The following ARHGEF18 variants were observed in gnomAD, a reference collection of about 807,000 sequenced individuals.
ARHGEF18 encodes the protein Rho/Rac guanine nucleotide exchange factor 18.
Under a neutral mutation model 155.7 loss-of-function variants are expected in ARHGEF18, and 93 were observed. That is an observed-to-expected ratio of 0.60 (90% CI 0.50 to 0.71). The LOEUF is 0.71. ARHGEF18 is among the 30% of genes least tolerant of loss of function. The pLI, the probability that ARHGEF18 is intolerant of heterozygous loss-of-function variation, is 0.00. For synonymous variants in ARHGEF18, 742 were observed against 753.1 expected, an observed-to-expected ratio of 0.99 and a Z score of 0.24; for missense variants, 1,593 against 1,816.1, an observed-to-expected ratio of 0.88 and a Z score of 2.23.
intron 1 of ARHGEF18, among the ~76,000 whole-genome samples, chr19:7,359,636 G>T (rs181606787): frequency 6.6e-6 from 1 of 152,096 alleles, no homozygotes; most frequent in Non-Finnish European, 1.5e-5. Flanking sequence ...TATGATACAA[G>T]AATGAATGCT....
At chr19:7,397,367 A>G (rs1469704680) in intron 10 of ARHGEF18, among the ~76,000 whole-genome samples, 1 of 152,026 alleles carries the variant, frequency 6.6e-6, no homozygotes, top group Non-Finnish European at 1.5e-5. Context: ...CTGGGCTCAA[A>G]TAATCCTCCT....
rs748447200 is a variant in ARHGEF18, at chr19:7,453,539, C to A, written c.1928C>A (p.Ala643Asp). ...LIKDIISQVDAKVSECEKGQR... is the reference protein window; with the variant it reads ...LIKDIISQVDDKVSECEKGQR... ...AAAGATATCATCTCACAAGTGGACG[C>A]CAAGGTCAGTGAGTGTGAGAAGGGC... Residue 643 changes from alanine to aspartate, a missense_variant, in exon 17 of 29, where the codon GCC (alanine) becomes GAC (aspartate). Ala to Asp is a moderately radical substitution (Grantham distance 126). Transcript: ENST00000668164. 5 of 1,614,066 alleles carry A rather than the reference C, an allele frequency of 3.1e-6. No homozygotes were observed. In the East Asian group the frequency reaches 6.7e-5, roughly 22 times the overall value.
chr19:7,373,612 A>T lies in ARHGEF18; in HGVS notation c.275+541A>T, dbSNP rs1970304281. ...TGCCTCAGCCTCCCGAGTAGCTGGG[A>T]TTACAGGCACGCACCACCACACCCG... On this transcript the variant is annotated intron_variant, in intron 3 of 28. Coordinates refer to ENST00000668164, the MANE Select transcript of ARHGEF18 (RefSeq NM_001367823.1). Among the ~76,000 whole-genome samples the T allele has an allele frequency of 1.3e-5, 2 of 151,552 alleles. 1 individual carries two copies. Among genetic ancestry groups the T allele is most frequent in the South Asian group, 4.2e-4 (2 of 4,810 alleles).
At chr19:7,421,656 G>A (rs779196184) in intron 10 of ARHGEF18, among the ~76,000 whole-genome samples, 24 of 152,144 alleles carry the variant, frequency 1.6e-4, no homozygotes, top group Non-Finnish European at 3.2e-4. Context: ...CAGCTACTTG[G>A]GAGGCTGGGA....
intron 1 of ARHGEF18, among the ~76,000 whole-genome samples, chr19:7,362,006 A>AGAAGAG (rs1555698063): frequency 4.1e-4 from 23 of 55,728 alleles, no homozygotes; most frequent in Non-Finnish European, 5.5e-4. Flanking sequence ...AAGAAGAAGA[A>AGAAGAG]GAAGAAGAAG....
chr19:7,399,731 C>T (rs1461462449), intron 10 of ARHGEF18, among the ~76,000 whole-genome samples: 6 of 151,152 alleles, frequency 4.0e-5, no homozygotes, highest in Middle Eastern at 3.2e-3. Context: ...CCGCCCACTT[C>T]GCCTCCCAAA....
chr19:7,351,304 C>CG (rs1267243830), intron 1 of ARHGEF18, among the ~76,000 whole-genome samples: 12 of 131,270 alleles, frequency 9.1e-5, no homozygotes, highest in Admixed American at 3.8e-4. Context: ...GAGTGGACTT[C>CG]TTTTGTTTGT....
chr19:7,442,124 CCCTT>C (rs200202576), intron 13 of ARHGEF18, 72 bp downstream of exon 13: 57,362 of 1,126,250 alleles, frequency 0.051, 1,807 homozygotes, highest in African/African-American at 0.051. Flanking sequence ...CTTCCTCCCT[CCCTT>C]CCTTCCTTCC....
chr19:7,367,998 A>AGAGAGGGAGGGAGGGAGG (rs1275056208), intron 2 of ARHGEF18, among the ~76,000 whole-genome samples: 1 of 69,636 alleles, frequency 1.4e-5, no homozygotes, highest in Admixed American at 1.8e-4. Context: ...AGAGAGAGAG[A>AGAGAGGGAGGGAGGGAGG]GAGGGAGGGA....
rs1971626006 is a variant in ARHGEF18, at chr19:7,395,196, C to G, written c.967+11993C>G. The stretch of plus-strand genomic sequence containing the variant: ...CGGACGGAGGCATCGGAGGCGGCTG[C>G]GAGAGTGGCAGAGGAGCTGGCGGAG... On this transcript the variant is annotated intron_variant, in intron 10 of 28. Coordinates refer to ENST00000668164, the MANE Select transcript of ARHGEF18 (RefSeq NM_001367823.1). The surrounding 1 kb of genome is among the most constrained non-coding windows in gnomAD (Gnocchi z 5.0). 1 of 986,060 alleles carries G rather than the reference C, an allele frequency of 1.0e-6. No individual in the cohort carries two copies. The highest frequency in any genetic ancestry group is 1.2e-6 in the Non-Finnish European group (1 of 830,564). The allele number at this position is 986,060 out of a possible 1,614,324, so 61.1% of individuals were successfully genotyped here.
chr19:7,378,347 CAG>C, intron 5 of ARHGEF18, 45 bp from the exon 6 acceptor site: 1 of 1,230,020 alleles, frequency 8.1e-7, no homozygotes, highest in Non-Finnish European at 1.0e-6. Context: ...GGTCCTGTCC[CAG>C]AGCTCCTGAC....
At chr19:7,364,637 G>T (rs1442257260) in intron 2 of ARHGEF18, among the ~76,000 whole-genome samples, 1 of 152,176 alleles carries the variant, frequency 6.6e-6, no homozygotes, top group Non-Finnish European at 1.5e-5. Flanking sequence ...GGGTGGAGTT[G>T]GGGCACAGTT....
intron 10 of ARHGEF18, among the ~76,000 whole-genome samples, chr19:7,408,509 A>G (rs1972476186): frequency 6.6e-6 from 1 of 152,164 alleles, no homozygotes; most frequent in African/African-American, 2.4e-5. Context: ...TAGGGCCACA[A>G]TGGTCTGACT....
downstream of ARHGEF18, among the ~76,000 whole-genome samples, chr19:7,473,841 G>A (rs188574613): frequency 0.01 from 1,498 of 149,760 alleles, 16 homozygotes; most frequent in Middle Eastern, 0.051. Flanking sequence ...AAATTAGCCA[G>A]GTATGGTGGC....
At chr19:7,446,849 T>TCG (rs1213550262) in intron 14 of ARHGEF18, among the ~76,000 whole-genome samples, 194 bp from the exon 15 acceptor site, 1 of 145,958 alleles carries the variant, frequency 6.9e-6, no homozygotes, top group East Asian at 2.0e-4. Flanking sequence ...TGAGCCAAGA[T>TCG]CGCGCCATTG....
rs976606108 is a variant in ARHGEF18, at chr19:7,462,780, G to C, written c.2635+446G>C. Reference sequence around the variant, plus strand: ...CTCTAACACAGCCGCCAGGCCCCTGGGCTGGCCGCTTGAGCAGGCAGTCAG... The same window carrying C: ...CTCTAACACAGCCGCCAGGCCCCTGCGCTGGCCGCTTGAGCAGGCAGTCAG... On this transcript the variant is annotated intron_variant, in intron 21 of 28. Transcript: ENST00000668164. This position sits in a 1 kb window ranked among gnomAD's most constrained non-coding sequence, Gnocchi z 4.4. Among the ~76,000 whole-genome samples the C allele has an allele frequency of 1.2e-4, 18 of 151,988 alleles. No individual in the cohort carries two copies. The highest frequency in any genetic ancestry group is 4.1e-4 in the African/African-American group (17 of 41,456).
At position 7,468,925 on chromosome 19, in the gene ARHGEF18, G is replaced by T; in HGVS notation, c.3581G>T (p.Arg1194Leu). The T allele has an allele frequency of 1.3e-6, 2 of 1,575,640 alleles. No homozygotes were observed. Among genetic ancestry groups the T allele is most frequent in the Non-Finnish European group, 1.7e-6 (2 of 1,161,670 alleles). The change falls in exon 27 of 29, where the codon CGC (arginine) becomes CTC (leucine). Residue 1194 changes from arginine (R) to leucine (L), a missense_variant. Physicochemically the swap from Arg to Leu is moderately radical, Grantham distance 102. Transcript: ENST00000668164. ...PSGVGPEYAE[R>L]PEVARRDSAP... ...GGCGTGGGGCCAGAGTACGCAGAGCGCCCCGAGGTGGCTCGCCGGGACAGC... is the reference window on the plus strand; with the variant it reads ...GGCGTGGGGCCAGAGTACGCAGAGCTCCCCGAGGTGGCTCGCCGGGACAGC...
At chr19:7,364,694 AG>A (rs1969809350) in intron 2 of ARHGEF18, among the ~76,000 whole-genome samples, 1 of 152,144 alleles carries the variant, frequency 6.6e-6, no homozygotes, top group Non-Finnish European at 1.5e-5. Flanking sequence ...GTCGTGGCAA[AG>A]GTCCTGGTGA....
At chr19:7,387,430 GC>G (rs371694882) in intron 10 of ARHGEF18, among the ~76,000 whole-genome samples, 132 of 152,172 alleles carry the variant, frequency 8.7e-4, no homozygotes, top group African/African-American at 3.0e-3. Flanking sequence ...GGGATTATAG[GC>G]GTGAGCCACC....
Sources: gnomAD v4.1 joint callset for allele counts (sites outside exome capture counted in the v4.1 genomes callset) on GRCh38, gnomAD v4.1.1 for gene constraint, Gnocchi (gnomAD v3.1) non-coding constraint, MANE v1.5 for transcripts, NCBI Gene and HGNC (gene_info 2026-07-23, HGNC 2026-07-21) for gene names.